The following NAPEPLD variants were observed in gnomAD, a reference collection of about 807,000 sequenced individuals.
The protein encoded by NAPEPLD is N-acyl phosphatidylethanolamine phospholipase D.
Under a neutral mutation model 38.1 loss-of-function variants are expected in NAPEPLD, and 23 were observed. The ratio of observed to expected loss-of-function variants is 0.60; its 90% CI spans 0.43 to 0.86. NAPEPLD has a LOEUF of 0.86. Among genes scored for constraint, NAPEPLD ranks in the 40% least tolerant of loss-of-function variants. The pLI is 0.00. For synonymous variants in NAPEPLD, 147 were observed against 162.0 expected (o/e 0.91, Z 0.71); for missense variants, 411 against 476.8 (o/e 0.86, Z 1.28).
intron 4 of NAPEPLD, among the ~76,000 whole-genome samples, chr7:103,103,758 A>C (rs1802748930): frequency 6.6e-6 from 1 of 152,194 alleles, no homozygotes; most frequent in Non-Finnish European, 1.5e-5. Flanking sequence ...ATTTGGTTGG[A>C]TAGAAATCAT....
intron 2 of NAPEPLD, among the ~76,000 whole-genome samples, chr7:103,121,890 G>C (rs1806770660): frequency 6.6e-6 from 1 of 152,126 alleles, no homozygotes; most frequent in South Asian, 2.1e-4. Context: ...CACAGACACA[G>C]TGACTTGTGT....
At chr7:103,146,989 A>AAT (rs1403945088) in intron 1 of NAPEPLD, among the ~76,000 whole-genome samples, 3 of 151,818 alleles carry the variant, frequency 2.0e-5, no homozygotes, top group Admixed American at 1.3e-4. Flanking sequence ...ATAAAGTTAT[A>AAT]ATACATTATT....
chr7:103,146,981 A>G (rs1812696551), intron 1 of NAPEPLD, among the ~76,000 whole-genome samples: 2 of 151,948 alleles, frequency 1.3e-5, no homozygotes, highest in African/African-American at 2.4e-5. Context: ...TGTAAATGAT[A>G]AAGTTATAAT....
chr7:103,115,015 C>G (rs1233724392), intron 4 of NAPEPLD, 45 bp downstream of exon 4: 2 of 1,440,300 alleles, frequency 1.4e-6, no homozygotes, highest in Non-Finnish European at 1.9e-6. Flanking sequence ...TGAATCCTAT[C>G]ATTGGTCAAA....
At chr7:103,144,443 T>G (rs894353125) in intron 1 of NAPEPLD, among the ~76,000 whole-genome samples, 1 of 152,206 alleles carries the variant, frequency 6.6e-6, no homozygotes, top group Non-Finnish European at 1.5e-5. Context: ...CTTTCATTAC[T>G]CAATTTTTCT....
intron 4 of NAPEPLD, among the ~76,000 whole-genome samples, chr7:103,110,715 G>A (rs1804341591): frequency 1.3e-5 from 2 of 152,236 alleles, no homozygotes; most frequent in Non-Finnish European, 2.9e-5. Context: ...CATAGCATTC[G>A]AAGTTCTGGC....
At chr7:103,114,707 G>A (rs1279062364) in intron 4 of NAPEPLD, among the ~76,000 whole-genome samples, 1 of 152,156 alleles carries the variant, frequency 6.6e-6, no homozygotes, top group African/African-American at 2.4e-5. Flanking sequence ...TCACATACAT[G>A]ACTTCTGTCT....
intron 4 of NAPEPLD, among the ~76,000 whole-genome samples, chr7:103,111,590 A>C (rs548386865): frequency 1.8e-4 from 27 of 152,332 alleles, no homozygotes; most frequent in African/African-American, 6.3e-4. Flanking sequence ...CCTTCCTTAC[A>C]CCTTATACAA....
chr7:103,140,517 C>G (rs565702257), intron 1 of NAPEPLD, among the ~76,000 whole-genome samples: 15 of 151,790 alleles, frequency 9.9e-5, no homozygotes, highest in East Asian at 1.9e-4. Flanking sequence ...CTCAGCCTCC[C>G]AAGTGGCTGG....
At chr7:103,116,548 G>A (rs1805616757) in intron 3 of NAPEPLD, among the ~76,000 whole-genome samples, 2 of 152,138 alleles carry the variant, frequency 1.3e-5, no homozygotes, top group Admixed American at 1.3e-4. Context: ...GTAAAAACCT[G>A]CTAAAGCAAA....
intron 4 of NAPEPLD, among the ~76,000 whole-genome samples, chr7:103,113,586 A>C (rs998613750): frequency 4.1e-5 from 6 of 147,470 alleles, no homozygotes; most frequent in African/African-American, 1.3e-4. Context: ...TTTTTTTTTT[A>C]AAGACAGAGT....
chr7:103,107,164 G>C (rs1457381680), intron 4 of NAPEPLD, among the ~76,000 whole-genome samples: 1 of 152,158 alleles, frequency 6.6e-6, no homozygotes, highest in African/African-American at 2.4e-5. Flanking sequence ...AGAGGGGCCT[G>C]TAAGAAGGAA....
At chr7:103,105,901 C>T (rs150748923) in intron 4 of NAPEPLD, among the ~76,000 whole-genome samples, 2,681 of 142,876 alleles carry the variant, frequency 0.019, 88 homozygotes, top group African/African-American at 0.066. Context: ...CCACTGCACT[C>T]CAGCCTGAGC....
At chr7:103,141,927 TGA>T in intron 1 of NAPEPLD, 1 of 980,318 alleles carries the variant, frequency 1.0e-6, no homozygotes, top group South Asian at 1.3e-5. Context: ...TTCTGAAGCC[TGA>T]GCATACTCAA....
chr7:103,119,798 T>C lies in NAPEPLD; in HGVS notation c.720A>G (p.Gly240=), dbSNP rs1267506309. 6.2e-7 allele frequency: 1 copy of C among 1,614,164 alleles called. No individual in the cohort carries two copies. The highest frequency in any genetic ancestry group is 1.1e-5 in the South Asian group (1 of 91,076). The change falls in exon 3 of 5, where the codon GGA becomes GGG. Residue 240 remains glycine, a synonymous_variant. Coordinates refer to ENST00000465647, the MANE Select transcript of NAPEPLD (RefSeq NM_001122838.3). ...LDWWEENCVP[G]HDKVTFVFTP... is the part of the protein sequence containing the mutation. ...TAAAGACAAAAGTGACCTTATCATG[T>C]CCGGGGACACAATTCTCCTCCCACC...
At chr7:103,149,312 C>T (rs1463877597), upstream of NAPEPLD, 3 of 1,102,810 alleles carry the variant, frequency 2.7e-6, no homozygotes, top group East Asian at 1.1e-4. Context: ...CGCGCGCCGC[C>T]TCAGTTCCGC....
At chr7:103,128,440 T>G in intron 2 of NAPEPLD, 43 bp downstream of exon 2, 2 of 1,599,436 alleles carry the variant, frequency 1.3e-6, no homozygotes, top group Middle Eastern at 1.7e-4. Context: ...GAGTGTCATA[T>G]ATGAAGAGCA....
At chr7:103,139,192 C>T (rs1477159) in intron 1 of NAPEPLD, among the ~76,000 whole-genome samples, 138,574 of 152,250 alleles carry the variant, frequency 0.91, 64,449 homozygotes, top group East Asian at 1. Context: ...CAGATATTAC[C>T]TGTAAGGGCT....
At chr7:103,122,394 G>A (rs934405698) in intron 2 of NAPEPLD, among the ~76,000 whole-genome samples, 3 of 152,060 alleles carry the variant, frequency 2.0e-5, no homozygotes, top group Non-Finnish European at 4.4e-5. Context: ...AAGATATGAA[G>A]AGATGAGGAC....
Sources: gnomAD v4.1 joint callset for allele counts (sites outside exome capture counted in the v4.1 genomes callset) on GRCh38, gnomAD v4.1.1 for gene constraint, MANE v1.5 for transcripts, NCBI Gene and HGNC (gene_info 2026-07-23, HGNC 2026-07-21) for gene names.